Variants in FAM110B observed in about 807,000 individuals in gnomAD.
FAM110B encodes protein FAM110B.
A neutral mutation model predicts 20.4 loss-of-function variants in FAM110B; 6 were observed. The ratio of observed to expected loss-of-function variants is 0.29; its 90% CI spans 0.16 to 0.58. The LOEUF is 0.58. Among genes scored for constraint, FAM110B ranks in the 20% least tolerant of loss-of-function variants. The pLI is 0.90. For synonymous variants in FAM110B, 226 were observed against 214.1 expected, an observed-to-expected ratio of 1.06 and a Z score of -0.49; for missense variants, 434 against 498.2, an observed-to-expected ratio of 0.87 and a Z score of 1.23.
chr8:58,147,386 G>A lies in FAM110B; in HGVS notation c.*43G>A, dbSNP rs754837362. On this transcript the variant is annotated 3_prime_UTR_variant, in exon 4 of 4. Coordinates refer to ENST00000519262, the MANE Select transcript of FAM110B (RefSeq NM_001377989.1). Reference sequence around the variant, plus strand: ...AGGGAGCGTGGGTCTCTGTGCTTACGCAGTTGTGAAGGTTGTGAGGTCTCC... The same window carrying A: ...AGGGAGCGTGGGTCTCTGTGCTTACACAGTTGTGAAGGTTGTGAGGTCTCC... 3.8e-6 allele frequency: 6 copies of A among 1,580,224 alleles called. No homozygotes were observed. The highest frequency in any genetic ancestry group is 1.2e-5 in the South Asian group (1 of 83,998).
intron 3 of FAM110B, among the ~76,000 whole-genome samples, chr8:58,118,852 A>G (rs763050632): frequency 3.0e-4 from 46 of 152,264 alleles, no homozygotes; most frequent in Non-Finnish European, 5.9e-4. Flanking sequence ...CCTCATAATG[A>G]TAAGTTTAAA....
At chr8:58,019,349 A>G (rs1804699954) in intron 1 of FAM110B, among the ~76,000 whole-genome samples, 2 of 138,988 alleles carry the variant, frequency 1.4e-5, no homozygotes, top group Admixed American at 1.4e-4. Context: ...AAAAAAAAAA[A>G]AAAAAAAAAA....
chr8:58,076,261 G>A (rs943493833), intron 3 of FAM110B, among the ~76,000 whole-genome samples: 1 of 152,210 alleles, frequency 6.6e-6, no homozygotes, highest in Non-Finnish European at 1.5e-5. Flanking sequence ...GGCCTGGTCA[G>A]AAGTTTACTC....
At chr8:58,085,262 C>A (rs1320156390) in intron 3 of FAM110B, among the ~76,000 whole-genome samples, 1 of 152,172 alleles carries the variant, frequency 6.6e-6, no homozygotes, top group Admixed American at 6.5e-5. Flanking sequence ...CCTATAATCC[C>A]AGCCCTTCAG....
At chr8:58,141,765 G>T (rs551660321) in intron 3 of FAM110B, among the ~76,000 whole-genome samples, 1 of 152,310 alleles carries the variant, frequency 6.6e-6, no homozygotes, top group East Asian at 1.9e-4. Context: ...CAGAGCTCTG[G>T]ATTTGCTGTT....
At chr8:58,004,269 T>G (rs1804358468) in intron 1 of FAM110B, among the ~76,000 whole-genome samples, 1 of 152,216 alleles carries the variant, frequency 6.6e-6, no homozygotes, top group Non-Finnish European at 1.5e-5. Context: ...GGGTCCCCTG[T>G]CCTAGATGAC....
intron 1 of FAM110B, among the ~76,000 whole-genome samples, chr8:58,029,333 C>A (rs1804919143): frequency 2.0e-5 from 3 of 152,144 alleles, no homozygotes; most frequent in Admixed American, 2.0e-4. Context: ...AAACTATATA[C>A]TCTTTTTGTA....
At chr8:58,104,486 G>A (rs984312548) in intron 3 of FAM110B, among the ~76,000 whole-genome samples, 2 of 152,044 alleles carry the variant, frequency 1.3e-5, no homozygotes, top group Non-Finnish European at 2.9e-5. Flanking sequence ...AAAATATAGT[G>A]ATTGTAGATT....
intron 3 of FAM110B, among the ~76,000 whole-genome samples, chr8:58,090,053 T>TTCC (rs1198824891): frequency 6.6e-6 from 1 of 152,194 alleles, no homozygotes; most frequent in Non-Finnish European, 1.5e-5. Flanking sequence ...TCTCTTCCTC[T>TTCC]TCCTCCTCCT....
intron 1 of FAM110B, among the ~76,000 whole-genome samples, chr8:58,027,897 T>C (rs547679180): frequency 7.2e-5 from 11 of 152,368 alleles, no homozygotes; most frequent in Admixed American, 6.5e-5. Context: ...ATAAGGCTGC[T>C]GTGAACATTC....
chr8:58,081,746 C>G (rs1164581428), intron 3 of FAM110B, among the ~76,000 whole-genome samples: 1 of 152,096 alleles, frequency 6.6e-6, no homozygotes, highest in Non-Finnish European at 1.5e-5. Context: ...TCCAAGAGTT[C>G]CTTTAGTGCC....
intron 3 of FAM110B, chr8:58,113,048 T>C (rs1585896840): frequency 6.6e-6 from 1 of 151,900 alleles, no homozygotes; most frequent in Admixed American, 6.6e-5. Context: ...GGAAGAACTC[T>C]TTTCTCTTCA....
At position 58,147,561 on chromosome 8, in the gene FAM110B, G is replaced by T; in HGVS notation, c.*218G>T. 1.7e-6 allele frequency: 1 copy of T among 587,312 alleles called. No homozygotes were observed. Among genetic ancestry groups the T allele is most frequent in the South Asian group, 2.4e-5 (1 of 41,596 alleles). 36.4% of individuals were successfully genotyped at this position (587,312 alleles called of 1,614,324 possible). The stretch of plus-strand genomic sequence containing the variant: ...CACGCGTCATCTGCCAAAAGTTTCA[G>T]GCCAGAATCTAATTAGGGCTTTGCT... On this transcript the variant is annotated 3_prime_UTR_variant, in exon 4 of 4. Coordinates refer to ENST00000519262, the MANE Select transcript of FAM110B (RefSeq NM_001377989.1).
At chr8:58,118,434 G>C (rs981457695) in intron 3 of FAM110B, among the ~76,000 whole-genome samples, 5 of 152,180 alleles carry the variant, frequency 3.3e-5, no homozygotes, top group African/African-American at 1.2e-4. Context: ...TTTTTTGAAG[G>C]GGGTAGGGGA....
chr8:58,141,993 T>G (rs1405141976), intron 3 of FAM110B, among the ~76,000 whole-genome samples: 1 of 152,130 alleles, frequency 6.6e-6, no homozygotes, highest in Non-Finnish European at 1.5e-5. Flanking sequence ...GTTCTTGAGG[T>G]CTCCCCAAGG....
chr8:57,995,047 G>T (rs1205794075), intron 1 of FAM110B, among the ~76,000 whole-genome samples: 1 of 152,062 alleles, frequency 6.6e-6, no homozygotes, highest in African/African-American at 2.4e-5. Flanking sequence ...GAGGCGCAGC[G>T]CCGCTGCCTG....
In FAM110B at chr8:58,147,041, G is replaced by A. The variant is rs1585926084; in HGVS notation, c.811G>A (p.Asp271Asn). The A allele has an allele frequency of 1.2e-6, 2 of 1,614,226 alleles. No homozygotes were observed. Among genetic ancestry groups the A allele is most frequent in the Non-Finnish European group, 1.7e-6 (2 of 1,180,040 alleles). The change falls in exon 4 of 4, where the codon GAC becomes AAC. Residue 271 changes from aspartate to asparagine, a missense_variant. Asp to Asn is a conservative substitution (Grantham distance 23). This residue lies in a region of FAM110B where 94 missense variants were observed against 137.8 expected (regional missense o/e 0.68). Transcript: ENST00000519262. ...SDLSDRYFRVDADVERFFNYC... is the reference protein window; with the variant it reads ...SDLSDRYFRVNADVERFFNYC... ...CTTGAGTGACAGATATTTCCGAGTG[G>A]ACGCGGACGTGGAGAGGTTCTTCAA...
chr8:58,029,181 A>G (rs993448096), intron 1 of FAM110B, among the ~76,000 whole-genome samples: 3 of 152,220 alleles, frequency 2.0e-5, no homozygotes, highest in African/African-American at 4.8e-5. Flanking sequence ...ATACTAAATC[A>G]TTTTGAAATT....
chr8:58,049,706 C>T (rs1479374966), intron 2 of FAM110B, among the ~76,000 whole-genome samples: 3 of 152,162 alleles, frequency 2.0e-5, no homozygotes, highest in African/African-American at 7.2e-5. Flanking sequence ...TCTTAATAGC[C>T]TGTGAATATC....
Sources: allele counts gnomAD v4.1 joint callset (sites outside exome capture counted in the v4.1 genomes callset), GRCh38; gene constraint gnomAD v4.1.1; regional missense constraint gnomAD v4.1.1; transcripts MANE v1.5; gene names NCBI Gene and HGNC (gene_info 2026-07-23, HGNC 2026-07-21).